Variants in ZMYND8 observed in about 807,000 individuals in gnomAD.
ZMYND8 encodes zinc finger MYND-type containing 8.
Under a neutral mutation model 140.8 loss-of-function variants are expected in ZMYND8, and 37 were observed. The ratio of observed to expected loss-of-function variants is 0.26; its 90% CI spans 0.20 to 0.35. The LOEUF (loss-of-function observed/expected upper bound fraction) is 0.35. ZMYND8 is among the 10% of genes least tolerant of loss of function. The pLI, the probability that ZMYND8 is intolerant of heterozygous loss-of-function variation, is 1.00. For synonymous variants in ZMYND8, 592 were observed against 597.1 expected (o/e 0.99, Z 0.12); for missense variants, 1,068 against 1,570.0 (o/e 0.68, Z 5.40).
intron 1 of ZMYND8, chr20:47,351,586 T>C (rs761849197): frequency 3.5e-6 from 3 of 865,802 alleles, no homozygotes; most frequent in Non-Finnish European, 4.2e-6. Context: ...CATCTTCCTC[T>C]TCTAGATTAC....
In ZMYND8 at chr20:47,252,443, A is replaced by T. The variant is rs148269048; in HGVS notation, c.1622-3004T>A. On this transcript the variant is annotated intron_variant, in intron 12 of 22. Transcript: ENST00000471951. ...TTTCCACTTTCAGAAATGAAGAAGC[A>T]TGCTAGATTCCAGAGGGAAAAGCCA... Among the ~76,000 whole-genome samples, 3 of 152,276 alleles carry T rather than the reference A, an allele frequency of 2.0e-5. No homozygotes were observed. In the East Asian group the frequency reaches 5.8e-4, roughly 29 times the overall value.
intron 2 of ZMYND8, among the ~76,000 whole-genome samples, chr20:47,343,199 T>A (rs2082052149): frequency 6.6e-6 from 1 of 152,108 alleles, no homozygotes; most frequent in Non-Finnish European, 1.5e-5. Context: ...GCAAGAGGAC[T>A]GCTTGAGTCC....
At chr20:47,265,080 G>T (rs17197717) in intron 11 of ZMYND8, among the ~76,000 whole-genome samples, 1 of 114,244 alleles carries the variant, frequency 8.8e-6, no homozygotes, top group African/African-American at 2.8e-5. Flanking sequence ...GCATTTTAAC[G>T]GAAGTATTAC....
chr20:47,211,615 G>A (rs1204762796), intron 22 of ZMYND8, among the ~76,000 whole-genome samples: 2 of 152,194 alleles, frequency 1.3e-5, no homozygotes, highest in African/African-American at 4.8e-5. Flanking sequence ...GAGCACTTTA[G>A]CCAACAGCCC....
chr20:47,242,692 G>A (rs1446574133), intron 14 of ZMYND8, among the ~76,000 whole-genome samples: 1 of 152,230 alleles, frequency 6.6e-6, no homozygotes, highest in South Asian at 2.1e-4. Context: ...AGTGATCACA[G>A]CTGGCTCTCT....
chr20:47,331,722 G>T (rs924706016), intron 2 of ZMYND8, among the ~76,000 whole-genome samples: 1 of 152,174 alleles, frequency 6.6e-6, no homozygotes, highest in African/African-American at 2.4e-5. Flanking sequence ...AAGGAAGAGA[G>T]AGTGTCCACA....
At chr20:47,249,668 C>T (rs1042287104) in intron 12 of ZMYND8, among the ~76,000 whole-genome samples, 1 of 152,158 alleles carries the variant, frequency 6.6e-6, no homozygotes, top group African/African-American at 2.4e-5. Flanking sequence ...ACTGAACAAT[C>T]GTCTGGGTGA....
chr20:47,224,596 C>A (rs1358133590), intron 18 of ZMYND8, 40 bp from the exon 19 acceptor site: 2 of 1,607,442 alleles, frequency 1.2e-6, no homozygotes, highest in South Asian at 1.1e-5. Flanking sequence ...TCACCTGACC[C>A]CAGCCTGGGG....
rs144867810 is a variant in ZMYND8 at position 47,321,768 on chromosome 20, A to G, written c.86-11564T>C. Among the ~76,000 whole-genome samples the G allele has an allele frequency of 3.7e-3, 564 of 152,106 alleles. 5 individuals carry two copies. Among genetic ancestry groups the G allele is most frequent in the African/African-American group, 0.013 (525 of 41,484 alleles). The stretch of plus-strand genomic sequence containing the variant: ...CTGATGGAAGGACAGCTAGAAACAC[A>G]GTTGTAACAGCTACCTTTTATTGAG... On this transcript the variant is annotated intron_variant, in intron 2 of 22. Transcript: ENST00000471951.
At chr20:47,273,580 C>T (rs2076086307) in intron 11 of ZMYND8, among the ~76,000 whole-genome samples, 1 of 152,042 alleles carries the variant, frequency 6.6e-6, no homozygotes, top group Admixed American at 6.6e-5. Flanking sequence ...TAAATAAATT[C>T]CGGTGTCCAT....
At chr20:47,327,357 G>C (rs1205694178) in intron 2 of ZMYND8, among the ~76,000 whole-genome samples, 1 of 150,346 alleles carries the variant, frequency 6.7e-6, no homozygotes, top group Non-Finnish European at 1.5e-5. Context: ...GAAACAAGGG[G>C]TTAAAGAAAA....
chr20:47,249,115 T>C (rs746420294), intron 13 of ZMYND8, among the ~76,000 whole-genome samples, 172 bp downstream of exon 13: 1 of 152,164 alleles, frequency 6.6e-6, no homozygotes, highest in Non-Finnish European at 1.5e-5. Flanking sequence ...AACTAGCAAG[T>C]CTGAAGTCTT....
At position 47,313,483 on chromosome 20, in the gene ZMYND8, G is replaced by A. The variant is rs550604802; in HGVS notation, c.86-3279C>T. Among the ~76,000 whole-genome samples, 135 of 151,972 alleles carry A rather than the reference G, an allele frequency of 8.9e-4. 1 individual carries two copies. The highest frequency in any genetic ancestry group is 1.6e-3 in the Non-Finnish European group (106 of 67,904). On this transcript the variant is annotated intron_variant, in intron 2 of 22. Transcript: ENST00000471951. ...CAAAAATACAAAAAATTAGCCGGGC[G>A]TGGTGGCGGGCGCCTGTAGTCCCAG...
intron 2 of ZMYND8, among the ~76,000 whole-genome samples, chr20:47,342,755 G>A (rs1318577288): frequency 6.6e-6 from 1 of 150,602 alleles, no homozygotes; most frequent in Non-Finnish European, 1.5e-5. Context: ...GGCTGGAGCA[G>A]AGGAATTGCT....
In ZMYND8 at chr20:47,220,285, T is replaced by C. The variant is rs770682251; in HGVS notation, c.3457A>G (p.Ile1153Val). ...LSGSRETPSS[I>V]LLGSNQGSVS... ...GAGCCTTGGTTGGAGCCTAAGAGAATGGAGGAGGGCGTCTCTCTGGAGCCA... is the reference window on the plus strand; with the variant it reads ...GAGCCTTGGTTGGAGCCTAAGAGAACGGAGGAGGGCGTCTCTCTGGAGCCA... The change falls in exon 21 of 23, where the codon ATT becomes GTT. Residue 1153 changes from isoleucine (I) to valine (V), a missense_variant. By Grantham distance (29) the Ile-to-Val change is conservative. Around this residue, in one of 10 missense-constraint regions of ZMYND8, gnomAD observed 180 missense variants for 187.8 expected, o/e 0.96. Transcript: ENST00000471951. 19 of 1,564,970 alleles carry C rather than the reference T, an allele frequency of 1.2e-5. 1 individual carries two copies. In the South Asian group the frequency reaches 2.1e-4, roughly 17 times the overall value.
Position 47,246,098 on chromosome 20 carries a change from C to T in ZMYND8, c.2194G>A (p.Glu732Lys), listed in dbSNP as rs772025610. 110 of 1,614,060 alleles carry T rather than the reference C, an allele frequency of 6.8e-5. No homozygotes were observed. The highest frequency in any genetic ancestry group is 9.1e-5 in the Non-Finnish European group (107 of 1,180,044). The change falls in exon 14 of 23, where the codon GAA becomes AAA. Residue 732 changes from glutamate (E) to lysine (K), a missense_variant. This residue lies in a region of ZMYND8 where 383 missense variants were observed against 431.2 expected (regional missense o/e 0.89). Transcript: ENST00000471951. ...HLGLDSDSES[E>K]LVIDLGEDHS... is the part of the protein sequence containing the mutation. ...TCTTCTCCTAAATCTATGACAAGTTCGCTCTCTGAATCAGAGTCCAGGCCC... is the reference window on the plus strand; with the variant it reads ...TCTTCTCCTAAATCTATGACAAGTTTGCTCTCTGAATCAGAGTCCAGGCCC...
chr20:47,235,205 A>C (rs2039063740), intron 16 of ZMYND8, among the ~76,000 whole-genome samples: 1 of 152,238 alleles, frequency 6.6e-6, no homozygotes, highest in Non-Finnish European at 1.5e-5. Flanking sequence ...CTATGGGTCA[A>C]GCACTTACTA....
intron 14 of ZMYND8, among the ~76,000 whole-genome samples, chr20:47,245,076 G>A (rs1239424004): frequency 6.6e-6 from 1 of 151,910 alleles, no homozygotes; most frequent in African/African-American, 2.4e-5. Context: ...CCCCAAAAAA[G>A]CCAATACACA....
At chr20:47,338,064 G>A (rs900033938) in intron 2 of ZMYND8, among the ~76,000 whole-genome samples, 31 of 152,196 alleles carry the variant, frequency 2.0e-4, no homozygotes, top group African/African-American at 7.2e-4. Flanking sequence ...CTAAGTGCAA[G>A]TAGAGAAAAA....
Sources: allele counts gnomAD v4.1 joint callset (sites outside exome capture counted in the v4.1 genomes callset), GRCh38; gene constraint gnomAD v4.1.1; regional missense constraint gnomAD v4.1.1; transcripts MANE v1.5; gene names NCBI Gene and HGNC (gene_info 2026-07-23, HGNC 2026-07-21).